The following HS3ST3A1 variants were observed in gnomAD, a reference collection of about 807,000 sequenced individuals.
HS3ST3A1 encodes the protein heparan sulfate glucosamine 3-O-sulfotransferase 3A1.
In HS3ST3A1, 19 loss-of-function variants were observed where a neutral mutation model predicts 25.7. That is an observed-to-expected ratio of 0.74 (90% CI 0.52 to 1.08). The LOEUF is 1.08. HS3ST3A1 is among the 50% of genes least tolerant of loss of function. HS3ST3A1 has a pLI of 0.00. For missense variants in HS3ST3A1, 459 were observed against 594.3 expected (o/e 0.77, Z 2.37); for synonymous variants, 226 against 278.6 (o/e 0.81, Z 1.88).
intron 1 of HS3ST3A1, among the ~76,000 whole-genome samples, chr17:13,588,165 A>C (rs146525770): frequency 1.3e-5 from 2 of 152,232 alleles, no homozygotes; most frequent in South Asian, 2.1e-4. Flanking sequence ...ATTCATTTAC[A>C]TATCGTCTGT....
At chr17:13,551,103 C>A (rs1287731350) in intron 1 of HS3ST3A1, among the ~76,000 whole-genome samples, 2 of 141,450 alleles carry the variant, frequency 1.4e-5, no homozygotes, top group African/African-American at 5.3e-5. Context: ...TCAAAAAAAT[C>A]TATAACGAGT....
intron 1 of HS3ST3A1, among the ~76,000 whole-genome samples, chr17:13,537,231 G>A (rs938120425): frequency 1.3e-5 from 2 of 152,206 alleles, no homozygotes; most frequent in African/African-American, 2.4e-5. Context: ...CAGACAGGCA[G>A]GTTAGGAATA....
intron 1 of HS3ST3A1, among the ~76,000 whole-genome samples, chr17:13,498,212 T>C (rs1166532682): frequency 2.0e-4 from 31 of 152,226 alleles, no homozygotes; most frequent in Admixed American, 2.0e-3. Flanking sequence ...GCATTATTTC[T>C]AGCACAAATT....
At chr17:13,584,747 T>C (rs1677645359) in intron 1 of HS3ST3A1, among the ~76,000 whole-genome samples, 1 of 152,196 alleles carries the variant, frequency 6.6e-6, no homozygotes, top group African/African-American at 2.4e-5. Flanking sequence ...CCTCTTTTCA[T>C]CTCAGGAAGT....
At chr17:13,569,436 T>C (rs945430559) in intron 1 of HS3ST3A1, among the ~76,000 whole-genome samples, 3 of 152,210 alleles carry the variant, frequency 2.0e-5, no homozygotes, top group African/African-American at 7.2e-5. Flanking sequence ...ATTGGCACCA[T>C]ATTATGTGAA....
intron 1 of HS3ST3A1, among the ~76,000 whole-genome samples, chr17:13,541,248 G>T (rs1215371050): frequency 1.3e-5 from 2 of 152,166 alleles, no homozygotes; most frequent in Non-Finnish European, 1.5e-5. Context: ...AAGTTTCAAA[G>T]AATTCTCAGA....
At chr17:13,520,759 C>T (rs1805705769) in intron 1 of HS3ST3A1, among the ~76,000 whole-genome samples, 1 of 152,006 alleles carries the variant, frequency 6.6e-6, no homozygotes, top group South Asian at 2.1e-4. Context: ...GGATTACAGG[C>T]ACCCACCAGG....
In HS3ST3A1 at chr17:13,601,833, G is replaced by C. The variant is rs1259004349; in HGVS notation, c.-704C>G. The C allele has an allele frequency of 6.5e-6, 1 of 153,624 alleles. No individual in the cohort carries two copies. Among genetic ancestry groups the C allele is most frequent in the East Asian group, 1.9e-4 (1 of 5,220 alleles). 9.5% of individuals were successfully genotyped at this position (153,624 alleles called of 1,614,324 possible). A position where few individuals can be genotyped will look rare whatever the true frequency, so the allele number is the denominator to read the frequency against. On this transcript the variant is annotated 5_prime_UTR_variant, in exon 1 of 2. Coordinates refer to ENST00000284110, the MANE Select transcript of HS3ST3A1 (RefSeq NM_006042.3). ...TGCTCTTGGACCCCACCTGTGAGCC[G>C]CGTGGCTGGGCTGGGCTGGGCTGCG... is the stretch of plus-strand genomic sequence containing the variant.
intron 1 of HS3ST3A1, among the ~76,000 whole-genome samples, chr17:13,550,155 A>ATTTTG (rs1033089818): frequency 3.3e-5 from 5 of 152,186 alleles, no homozygotes; most frequent in East Asian, 1.9e-4. Flanking sequence ...AGTAGTAATC[A>ATTTTG]TTTTGTTTTG....
At chr17:13,549,010 C>T (rs942098934) in intron 1 of HS3ST3A1, among the ~76,000 whole-genome samples, 53 of 152,202 alleles carry the variant, frequency 3.5e-4, no homozygotes, top group African/African-American at 1.1e-3. Flanking sequence ...CGATCTGCTC[C>T]GGTCCCTTGC....
chr17:13,516,844 G>A (rs1295290125), intron 1 of HS3ST3A1, among the ~76,000 whole-genome samples: 11 of 151,980 alleles, frequency 7.2e-5, no homozygotes, highest in Non-Finnish European at 1.2e-4. Flanking sequence ...CTGCCACTAC[G>A]CCCGGCTAAT....
intron 1 of HS3ST3A1, among the ~76,000 whole-genome samples, chr17:13,499,767 G>A (rs1254344032): frequency 6.6e-6 from 1 of 152,070 alleles, no homozygotes; most frequent in Admixed American, 6.5e-5. Context: ...AACATAAGAG[G>A]AGTTTGAAGA....
At chr17:13,554,074 T>C (rs1023770143) in intron 1 of HS3ST3A1, among the ~76,000 whole-genome samples, 5 of 152,144 alleles carry the variant, frequency 3.3e-5, no homozygotes, top group Admixed American at 1.3e-4. Context: ...GGCCAGAGAC[T>C]CAAAAAAAGT....
intron 1 of HS3ST3A1, among the ~76,000 whole-genome samples, chr17:13,588,614 T>G (rs575400422): frequency 1.3e-4 from 20 of 152,324 alleles, no homozygotes; most frequent in African/African-American, 4.8e-4. Flanking sequence ...AGAACCAAGT[T>G]TGTCAAGACA....
chr17:13,590,611 T>C (rs565319803), intron 1 of HS3ST3A1, among the ~76,000 whole-genome samples: 1 of 152,300 alleles, frequency 6.6e-6, no homozygotes, highest in East Asian at 1.9e-4. Context: ...TTATTGGAAC[T>C]AAAGGAAGTT....
intron 1 of HS3ST3A1, among the ~76,000 whole-genome samples, chr17:13,583,831 C>T (rs945288360): frequency 2.6e-5 from 4 of 152,142 alleles, no homozygotes; most frequent in African/African-American, 9.7e-5. Flanking sequence ...AGAAATTGAA[C>T]ACTACAACGG....
chr17:13,522,709 C>T (rs1220578503), intron 1 of HS3ST3A1, among the ~76,000 whole-genome samples: 2 of 152,016 alleles, frequency 1.3e-5, no homozygotes, highest in Non-Finnish European at 2.9e-5. Flanking sequence ...ATGGCATTTG[C>T]TGTCAGTTGG....
At chr17:13,527,077 T>G (rs1598414685) in intron 1 of HS3ST3A1, among the ~76,000 whole-genome samples, 1 of 152,180 alleles carries the variant, frequency 6.6e-6, no homozygotes, top group Non-Finnish European at 1.5e-5. Context: ...CCAAACAACC[T>G]ACCTGCTTTG....
At chr17:13,496,892 C>G (rs1478513002) in intron 1 of HS3ST3A1, 74 bp from the exon 2 acceptor site, 2 of 1,541,504 alleles carry the variant, frequency 1.3e-6, no homozygotes, top group African/African-American at 2.7e-5. Context: ...CAAGTACACG[C>G]TGGAGCCAGG....
Sources: allele counts gnomAD v4.1 joint callset (sites outside exome capture counted in the v4.1 genomes callset), GRCh38; gene constraint gnomAD v4.1.1; transcripts MANE v1.5; gene names NCBI Gene and HGNC (gene_info 2026-07-23, HGNC 2026-07-21).